Variants in SLC36A1 observed in about 807,000 individuals in gnomAD.
SLC36A1 encodes proton-coupled amino acid transporter 1.
A neutral mutation model predicts 47.5 loss-of-function variants in SLC36A1; 30 were observed. The ratio of observed to expected loss-of-function variants is 0.63; its 90% confidence interval spans 0.47 to 0.86. SLC36A1 has a LOEUF of 0.86. SLC36A1 is among the 40% of genes least tolerant of loss of function. The pLI is 0.00. For missense variants in SLC36A1, 517 were observed against 606.0 expected, an observed-to-expected ratio of 0.85 and a Z score of 1.54; for synonymous variants, 255 against 249.7, an observed-to-expected ratio of 1.02 and a Z score of -0.20.
the SLC36A1 span, chr5:151,505,995 G>C: frequency 1.3e-6 from 2 of 1,573,488 alleles, no homozygotes; most frequent in East Asian, 2.2e-5. Context: ...GTGGCGGTGA[G>C]CCGAGGGCGG....
the SLC36A1 span, among the ~76,000 whole-genome samples, chr5:151,388,983 T>C: frequency 1.3e-5 from 2 of 152,180 alleles, no homozygotes; most frequent in Non-Finnish European, 2.9e-5. Flanking sequence ...AAAACCCCAC[T>C]GCTTTTAAGG....
the SLC36A1 span, among the ~76,000 whole-genome samples, chr5:151,397,622 A>G: frequency 6.6e-6 from 1 of 151,852 alleles, no homozygotes; most frequent in East Asian, 1.9e-4. Context: ...AAATTAGCCA[A>G]CCATGGTGGT....
chr5:151,519,749 T>TA, the SLC36A1 span, among the ~76,000 whole-genome samples: 4 of 152,170 alleles, frequency 2.6e-5, no homozygotes, highest in African/African-American at 7.2e-5. Flanking sequence ...TATATTTCAC[T>TA]AAAATGTTAA....
chr5:151,398,942 G>A, the SLC36A1 span, among the ~76,000 whole-genome samples: 1 of 151,848 alleles, frequency 6.6e-6, no homozygotes, highest in Non-Finnish European at 1.5e-5. Context: ...AGAATAGTAC[G>A]AAGAATTTCC....
At chr5:151,424,310 C>T in the SLC36A1 span, among the ~76,000 whole-genome samples, 10 of 152,192 alleles carry the variant, frequency 6.6e-5, no homozygotes, top group African/African-American at 1.9e-4. Context: ...TCAGAGAAGG[C>T]GAAGGGATGG....
chr5:151,500,197 C>G, the SLC36A1 span, among the ~76,000 whole-genome samples: 1 of 152,150 alleles, frequency 6.6e-6, no homozygotes, highest in East Asian at 1.9e-4. Flanking sequence ...AAACGTAAGG[C>G]GCACCTCCCG....
chr5:151,488,308 A>G lies in SLC36A1; in HGVS notation c.*54A>G. On this transcript the variant is annotated 3_prime_UTR_variant, in exon 11 of 11. Coordinates refer to ENST00000243389, the MANE Select transcript of SLC36A1 (RefSeq NM_078483.4). The stretch of plus-strand genomic sequence containing the variant: ...ACCCCTGCCCCATGTGTCCCCCGTT[A>G]CCTGTCCTCAGAGCCTCAGGTATGG... 1 of 1,584,862 alleles carries G rather than the reference A, an allele frequency of 6.3e-7. No individual in the cohort carries two copies. The highest frequency in any genetic ancestry group is 8.6e-7 in the Non-Finnish European group (1 of 1,163,430).
chr5:151,539,750 C>A, the SLC36A1 span, among the ~76,000 whole-genome samples: 1 of 152,178 alleles, frequency 6.6e-6, no homozygotes, highest in Non-Finnish European at 1.5e-5. Flanking sequence ...TCCATGACAG[C>A]AATTGTTGGT....
the SLC36A1 span, chr5:151,521,847 C>T: frequency 1.1e-5 from 17 of 1,614,190 alleles, no homozygotes; most frequent in Middle Eastern, 1.6e-4. Flanking sequence ...TGCCATCAGG[C>T]GCACCCACTG....
At chr5:151,542,764 C>T in the SLC36A1 span, 2 of 1,614,220 alleles carry the variant, frequency 1.2e-6, no homozygotes, top group Non-Finnish European at 1.7e-6. Context: ...ATTGACGTCT[C>T]CCACTTGGAT....
downstream of SLC36A1, among the ~76,000 whole-genome samples, chr5:151,492,739 A>AT (rs1760217168): frequency 1.3e-5 from 2 of 152,340 alleles, no homozygotes; most frequent in Admixed American, 6.5e-5. Flanking sequence ...CTGCGAAGGT[A>AT]TTTTGTAAAT....
chr5:151,476,255 G>C (rs778256162), intron 8 of SLC36A1, among the ~76,000 whole-genome samples: 47 of 152,368 alleles, frequency 3.1e-4, no homozygotes, highest in Middle Eastern at 6.8e-3. Flanking sequence ...AGGGCCTTCT[G>C]GTTGCCATGT....
chr5:151,450,451 G>A (rs1221659254), intron 1 of SLC36A1, among the ~76,000 whole-genome samples: 1 of 151,482 alleles, frequency 6.6e-6, no homozygotes, highest in Admixed American at 6.6e-5. Flanking sequence ...CTAGCATGTA[G>A]AGTGGATGGA....
At chr5:151,477,956 A>G (rs985966116) in intron 9 of SLC36A1, among the ~76,000 whole-genome samples, 4 of 152,190 alleles carry the variant, frequency 2.6e-5, no homozygotes, top group Non-Finnish European at 5.9e-5. Flanking sequence ...TTATTTGGCT[A>G]TCCCTGCAGG....
At chr5:151,450,703 A>G (rs902490500) in intron 1 of SLC36A1, among the ~76,000 whole-genome samples, 1 of 152,122 alleles carries the variant, frequency 6.6e-6, no homozygotes, top group Non-Finnish European at 1.5e-5. Flanking sequence ...CTTTCTTTTT[A>G]TCACCACCAC....
At chr5:151,538,843 ATT>A in the SLC36A1 span, among the ~76,000 whole-genome samples, 4,904 of 143,836 alleles carry the variant, frequency 0.034, 111 homozygotes, top group South Asian at 0.1. Flanking sequence ...CACCTGGCTA[ATT>A]TTTTTTTTTT....
the SLC36A1 span, among the ~76,000 whole-genome samples, chr5:151,532,510 G>A: frequency 6.6e-6 from 1 of 152,134 alleles, no homozygotes; most frequent in African/African-American, 2.4e-5. Context: ...TTCCAGTTTT[G>A]ATATTATCCT....
At chr5:151,506,037 T>A in the SLC36A1 span, 2 of 1,564,928 alleles carry the variant, frequency 1.3e-6, no homozygotes, top group Non-Finnish European at 1.7e-6. Context: ...GGAGTGGGGG[T>A]ATTCCCAGCG....
At chr5:151,399,791 CA>C in the SLC36A1 span, among the ~76,000 whole-genome samples, 6 of 152,194 alleles carry the variant, frequency 3.9e-5, no homozygotes, top group African/African-American at 1.4e-4. Context: ...AGCTTTCTAT[CA>C]GATATTTTCT....
Sources: gnomAD v4.1 joint callset for allele counts (sites outside exome capture counted in the v4.1 genomes callset) on GRCh38, gnomAD v4.1.1 for gene constraint, MANE v1.5 for transcripts, NCBI Gene and HGNC (gene_info 2026-07-23, HGNC 2026-07-21) for gene names.